The following SMYD3 variants were observed in gnomAD, a reference collection of about 807,000 sequenced individuals.
The protein encoded by SMYD3 is SET and MYND domain containing 3, also known as histone-lysine N-methyltransferase SMYD3.
SMYD3 carries 36 observed loss-of-function variants against 57.7 expected under a neutral mutation model. The ratio of observed to expected loss-of-function variants is 0.62; its 90% CI spans 0.48 to 0.82. SMYD3 has a LOEUF of 0.82. SMYD3 is among the 40% of genes least tolerant of loss of function. The probability of loss-of-function intolerance (pLI) is 0.00; values close to 1 mark genes in which losing one functional copy is unlikely to be tolerated. For synonymous variants in SMYD3, 211 were observed against 195.0 expected, an observed-to-expected ratio of 1.08 and a Z score of -0.68; for missense variants, 515 against 538.8, an observed-to-expected ratio of 0.96 and a Z score of 0.44.
At chr1:246,282,686 T>C (rs1354490089) in intron 5 of SMYD3, among the ~76,000 whole-genome samples, 2 of 152,172 alleles carry the variant, frequency 1.3e-5, no homozygotes, top group African/African-American at 4.8e-5. Flanking sequence ...ATACAAAAAA[T>C]CTTCTGTATC....
At chr1:245,859,770 AG>A (rs369206383) in intron 9 of SMYD3, among the ~76,000 whole-genome samples, 22 of 152,284 alleles carry the variant, frequency 1.4e-4, no homozygotes, top group African/African-American at 5.1e-4. Context: ...TAGGGTGAAA[AG>A]GTTTGAAGAT....
chr1:245,796,369 C>CTGAT (rs1245647853), intron 10 of SMYD3, among the ~76,000 whole-genome samples: 1 of 151,654 alleles, frequency 6.6e-6, no homozygotes, highest in African/African-American at 2.4e-5. Flanking sequence ...AAAATGGAGA[C>CTGAT]TGATTTCTTG....
chr1:246,169,309 G>A lies in SMYD3; in HGVS notation c.531+157892C>T, dbSNP rs1274386443. Among the ~76,000 whole-genome samples the A allele has an allele frequency of 1.2e-4, 15 of 123,618 alleles. No individual in the cohort carries two copies. The Admixed American group carries it at 1.5e-3, about 12-fold the overall frequency. The allele number at this position is 123,618 out of a possible 152,430, so 81.1% of individuals were successfully genotyped here. ...AAATTAGTAAGCCAAGATGAAAAACGCCAAAGTTAATTTAACAAATATAGA... is the reference window on the plus strand; with the variant it reads ...AAATTAGTAAGCCAAGATGAAAAACACCAAAGTTAATTTAACAAATATAGA... On this transcript the variant is annotated intron_variant, in intron 5 of 11. Transcript: ENST00000490107.
intron 5 of SMYD3, among the ~76,000 whole-genome samples, chr1:246,292,653 C>T (rs1316354358): frequency 6.6e-6 from 1 of 152,220 alleles, no homozygotes; most frequent in African/African-American, 2.4e-5. Context: ...GGATATGCTG[C>T]AGTAAACCAT....
rs2045240696 is a variant in SMYD3, at chr1:245,749,527, A to G, written c.*36T>C. 29 of 1,532,336 alleles carry G rather than the reference A, an allele frequency of 1.9e-5. No homozygotes were observed. Among genetic ancestry groups the G allele is most frequent in the Non-Finnish European group, 2.6e-5 (29 of 1,105,748 alleles). 94.9% of individuals were successfully genotyped at this position (1,532,336 alleles called of 1,614,324 possible). A position where few individuals can be genotyped will look rare whatever the true frequency, so the allele number is the denominator to read the frequency against. On this transcript the variant is annotated 3_prime_UTR_variant, in exon 12 of 12. Transcript: ENST00000490107. ...TGTGACCTCAATAAGGCATTCAACAAAGACACACGCCGTATTTCCCTCTGA... is the reference window on the plus strand; with the variant it reads ...TGTGACCTCAATAAGGCATTCAACAGAGACACACGCCGTATTTCCCTCTGA...
intron 5 of SMYD3, among the ~76,000 whole-genome samples, chr1:245,940,505 C>T (rs767587039): frequency 1.3e-5 from 2 of 152,044 alleles, no homozygotes; most frequent in African/African-American, 2.4e-5. Flanking sequence ...CAGGTGAATA[C>T]GGTCTGGAAT....
intron 10 of SMYD3, among the ~76,000 whole-genome samples, chr1:245,809,624 A>G (rs1176979601): frequency 1.3e-5 from 2 of 152,242 alleles, no homozygotes; most frequent in East Asian, 3.8e-4. Flanking sequence ...TAGATTCCCA[A>G]GTAAAGGCTG....
At chr1:246,267,206 C>A (rs2064126732) in intron 5 of SMYD3, among the ~76,000 whole-genome samples, 1 of 152,110 alleles carries the variant, frequency 6.6e-6, no homozygotes, top group Admixed American at 6.5e-5. Flanking sequence ...GGAATACATA[C>A]ATACTTGGCC....
At chr1:246,269,111 C>T (rs1378856180) in intron 5 of SMYD3, among the ~76,000 whole-genome samples, 2 of 152,258 alleles carry the variant, frequency 1.3e-5, no homozygotes, top group Admixed American at 6.5e-5. Context: ...ACTGTAATCC[C>T]ACCATACCAT....
intron 5 of SMYD3, among the ~76,000 whole-genome samples, chr1:246,316,541 G>C: frequency 9.3e-6 from 1 of 107,326 alleles, no homozygotes; most frequent in East Asian, 3.4e-4. Context: ...TGTTGTTTTG[G>C]TTTTTTTTTT....
At chr1:245,763,498 A>C (rs1002819966) in intron 11 of SMYD3, among the ~76,000 whole-genome samples, 1 of 152,154 alleles carries the variant, frequency 6.6e-6, no homozygotes, top group Admixed American at 6.5e-5. Context: ...GCAGAGGAAA[A>C]AATAGCTGTG....
At chr1:246,312,031 T>C (rs1407626108) in intron 5 of SMYD3, among the ~76,000 whole-genome samples, 1 of 152,112 alleles carries the variant, frequency 6.6e-6, no homozygotes, top group Non-Finnish European at 1.5e-5. Context: ...GAAAGCATAA[T>C]GCAAGCCATG....
intron 5 of SMYD3, among the ~76,000 whole-genome samples, chr1:246,293,114 G>T (rs73142860): frequency 0.04 from 6,042 of 151,476 alleles, 404 homozygotes; most frequent in African/African-American, 0.14. Context: ...AGGCCAATTT[G>T]CATCTCCTCA....
chr1:246,029,816 T>C (rs2059638727), intron 5 of SMYD3, among the ~76,000 whole-genome samples: 1 of 151,918 alleles, frequency 6.6e-6, no homozygotes, highest in Non-Finnish European at 1.5e-5. Flanking sequence ...ACAGTTAGGA[T>C]GGCTGTTATC....
At chr1:246,438,510 T>G (rs1184935463) in intron 1 of SMYD3, among the ~76,000 whole-genome samples, 2 of 152,124 alleles carry the variant, frequency 1.3e-5, no homozygotes, top group Non-Finnish European at 2.9e-5. Flanking sequence ...CTCCAGGGAT[T>G]GATTCCAGGA....
chr1:245,771,694 G>T (rs2046346594), intron 10 of SMYD3, among the ~76,000 whole-genome samples: 1 of 152,174 alleles, frequency 6.6e-6, no homozygotes, highest in Non-Finnish European at 1.5e-5. Flanking sequence ...GGACAAAGAG[G>T]CATGAAGAGG....
At chr1:245,792,523 G>A (rs1190717789) in intron 10 of SMYD3, among the ~76,000 whole-genome samples, 1 of 152,090 alleles carries the variant, frequency 6.6e-6, no homozygotes, top group Admixed American at 6.5e-5. Flanking sequence ...ATCACTTTGA[G>A]AAAAAGACAG....
At chr1:245,954,262 T>G (rs77077575) in intron 5 of SMYD3, among the ~76,000 whole-genome samples, 1,912 of 152,286 alleles carry the variant, frequency 0.013, 31 homozygotes, top group Middle Eastern at 0.051. Flanking sequence ...TAAAATGTAG[T>G]TGGTAGCTAG....
chr1:246,412,727 C>T (rs573517485), intron 1 of SMYD3, among the ~76,000 whole-genome samples: 6 of 151,596 alleles, frequency 4.0e-5, no homozygotes, highest in African/African-American at 1.5e-4. Context: ...GTGTGGTGGC[C>T]GGTGCCTGTA....
Sources: allele counts gnomAD v4.1 joint callset (sites outside exome capture counted in the v4.1 genomes callset), GRCh38; gene constraint gnomAD v4.1.1; transcripts MANE v1.5; gene names NCBI Gene and HGNC (gene_info 2026-07-23, HGNC 2026-07-21).